Variants in SOX6 observed in about 807,000 individuals in gnomAD.
SOX6 encodes the protein SRY-box transcription factor 6.
SOX6 carries 11 observed loss-of-function variants against 97.8 expected under a neutral mutation model. The observed-to-expected ratio is 0.11, with a 90% confidence interval of 0.07 to 0.19. The LOEUF (loss-of-function observed/expected upper bound fraction) is 0.19. Among genes scored for constraint, SOX6 ranks in the 10% least tolerant of loss-of-function variants. The pLI, the probability that SOX6 is intolerant of heterozygous loss-of-function variation, is 1.00. For missense variants in SOX6, 810 were observed against 1,039.5 expected, an observed-to-expected ratio of 0.78 and a Z score of 3.04; for synonymous variants, 360 against 371.4, an observed-to-expected ratio of 0.97 and a Z score of 0.35.
chr11:16,532,821 T>C (rs1025473758), intron 4 of SOX6, among the ~76,000 whole-genome samples: 5 of 151,946 alleles, frequency 3.3e-5, no homozygotes, highest in African/African-American at 1.2e-4. Context: ...CTAGAAGCTG[T>C]GAATTACAAA....
At chr11:16,323,283 A>G (rs1472711035) in intron 2 of SOX6, among the ~76,000 whole-genome samples, 1 of 152,212 alleles carries the variant, frequency 6.6e-6, no homozygotes, top group Non-Finnish European at 1.5e-5. Context: ...TTTCTAGGAA[A>G]GAAAAAGCAG....
chr11:16,584,858 G>A (rs1273017094), intron 4 of SOX6, among the ~76,000 whole-genome samples: 1 of 152,174 alleles, frequency 6.6e-6, no homozygotes, highest in East Asian at 1.9e-4. Context: ...CTGCACCTAG[G>A]CCTGCCCTGG....
chr11:16,462,873 T>C (rs1195536272), intron 1 of SOX6, among the ~76,000 whole-genome samples: 1 of 152,156 alleles, frequency 6.6e-6, no homozygotes, highest in Non-Finnish European at 1.5e-5. Context: ...GGGAGAGAAG[T>C]GCACTCTCTT....
At chr11:16,488,528 CTTAGGTGATGTGGT>C (rs768645488) in intron 4 of SOX6, among the ~76,000 whole-genome samples, 2 of 152,082 alleles carry the variant, frequency 1.3e-5, no homozygotes, top group Non-Finnish European at 2.9e-5. Context: ...CAAGTCACAT[CTTAGGTGATGTGGT>C]GGCTAGTATA....
chr11:16,096,088 G>C lies in SOX6; in HGVS notation c.1009C>G (p.Gln337Glu), dbSNP rs1590193478. The C allele has an allele frequency of 1.2e-6, 2 of 1,610,852 alleles. No individual in the cohort carries two copies. Among genetic ancestry groups the C allele is most frequent in the East Asian group, 4.5e-5 (2 of 44,762 alleles). The stretch of plus-strand genomic sequence containing the variant: ...CGGTCACTTAGGCCCTTTAGCCTTT[G>C]GTTAATTTGTGGGTGGGAGACATGA... ...KGHVSHPQIN[Q>E]RLKGLSDRFG... Residue 337 changes from glutamine (Q) to glutamate (E), a missense_variant, in exon 9 of 16, where the codon CAA (glutamine) becomes GAA (glutamate). This residue lies in a region of SOX6 where 244 missense variants were observed against 261.0 expected (regional missense o/e 0.93). Transcript: ENST00000683767.
chr11:16,557,353 C>G (rs1847760988), intron 4 of SOX6, among the ~76,000 whole-genome samples: 1 of 151,740 alleles, frequency 6.6e-6, no homozygotes, highest in South Asian at 2.1e-4. Context: ...ATCTCACACC[C>G]TAAACTCCCC....
At chr11:16,072,383 G>A (rs1848246778) in intron 9 of SOX6, among the ~76,000 whole-genome samples, 2 of 151,856 alleles carry the variant, frequency 1.3e-5, no homozygotes, top group African/African-American at 4.8e-5. Flanking sequence ...AACTCAGTCA[G>A]ACAAAAACAA....
At chr11:16,575,171 G>A (rs2133201371) in intron 4 of SOX6, among the ~76,000 whole-genome samples, 1 of 152,202 alleles carries the variant, frequency 6.6e-6, no homozygotes, top group Non-Finnish European at 1.5e-5. Flanking sequence ...CTAGTAATTA[G>A]GAATGCAAAT....
chr11:16,017,981 G>A (rs1854937975), intron 12 of SOX6, among the ~76,000 whole-genome samples: 1 of 152,042 alleles, frequency 6.6e-6, no homozygotes, highest in South Asian at 2.1e-4. Context: ...ACTTACTTAT[G>A]CATTGTCAGT....
intron 4 of SOX6, among the ~76,000 whole-genome samples, chr11:16,482,511 A>G (rs549271271): frequency 2.0e-5 from 3 of 152,332 alleles, no homozygotes; most frequent in African/African-American, 7.2e-5. Flanking sequence ...TTTGCAAACT[A>G]CTAATTTGCT....
At chr11:16,278,364 G>T (rs1240085175) in intron 3 of SOX6, among the ~76,000 whole-genome samples, 1 of 152,022 alleles carries the variant, frequency 6.6e-6, no homozygotes, top group East Asian at 1.9e-4. Context: ...ATTGCCTAAT[G>T]AGTTTATTAT....
chr11:16,627,932 C>T (rs1860448134), intron 3 of SOX6, among the ~76,000 whole-genome samples: 1 of 152,158 alleles, frequency 6.6e-6, no homozygotes. Context: ...ACTTTAGGGT[C>T]TTATATTTAA....
intron 4 of SOX6, among the ~76,000 whole-genome samples, chr11:16,606,396 G>T (rs1220572079): frequency 2.0e-5 from 3 of 152,086 alleles, no homozygotes; most frequent in African/African-American, 7.2e-5. Context: ...TTGTGGGCAC[G>T]GAGGGCATTA....
At chr11:16,131,335 A>G (rs1234313342) in intron 6 of SOX6, among the ~76,000 whole-genome samples, 3 of 152,032 alleles carry the variant, frequency 2.0e-5, no homozygotes, top group Non-Finnish European at 4.4e-5. Flanking sequence ...TGAGTGGCCA[A>G]TAAGTATATG....
chr11:16,126,552 C>T (rs1199963505), intron 6 of SOX6, among the ~76,000 whole-genome samples: 1 of 152,102 alleles, frequency 6.6e-6, no homozygotes, highest in African/African-American at 2.4e-5. Flanking sequence ...TCTACAGCTG[C>T]TGAAACACAA....
intron 7 of SOX6, among the ~76,000 whole-genome samples, chr11:16,101,940 GT>G (rs966123258): frequency 1.3e-5 from 2 of 151,786 alleles, no homozygotes; most frequent in Non-Finnish European, 2.9e-5. Context: ...ATGAGAAAGA[GT>G]TGAAAGCATT....
At chr11:16,108,737 T>C (rs1247356431) in intron 7 of SOX6, among the ~76,000 whole-genome samples, 2 of 152,208 alleles carry the variant, frequency 1.3e-5, no homozygotes, top group African/African-American at 4.8e-5. Flanking sequence ...GTGGGCAGCA[T>C]GCCCCCTCAG....
chr11:16,681,861 G>A (rs921821085), intron 3 of SOX6, among the ~76,000 whole-genome samples: 4 of 152,200 alleles, frequency 2.6e-5, no homozygotes, highest in African/African-American at 9.6e-5. Context: ...AGAAAATCTA[G>A]AAGAAATGGA....
chr11:16,579,130 C>T (rs1848008419), intron 4 of SOX6, among the ~76,000 whole-genome samples: 1 of 152,090 alleles, frequency 6.6e-6, no homozygotes, highest in Admixed American at 6.6e-5. Context: ...TTAATACTTT[C>T]ACTCAGTAAA....
Sources: allele counts gnomAD v4.1 joint callset (sites outside exome capture counted in the v4.1 genomes callset), GRCh38; gene constraint gnomAD v4.1.1; regional missense constraint gnomAD v4.1.1; transcripts MANE v1.5; gene names NCBI Gene and HGNC (gene_info 2026-07-23, HGNC 2026-07-21).